The following DNAH11 variants were observed in gnomAD, a reference collection of about 807,000 sequenced individuals.
DNAH11 encodes the protein axonemal beta dynein heavy chain 11.
DNAH11 carries 442 observed loss-of-function variants against 526.0 expected under a neutral mutation model. The observed-to-expected ratio is 0.84, with a 90% CI of 0.78 to 0.91. The LOEUF (loss-of-function observed/expected upper bound fraction) is 0.91. Ranked by LOEUF, DNAH11 falls within the 40% of genes least tolerant of loss-of-function variation. The pLI, the probability that DNAH11 is intolerant of heterozygous loss-of-function variation, is 0.00. For missense variants in DNAH11, 6,989 were observed against 5,448.7 expected, an observed-to-expected ratio of 1.28 and a Z score of -8.90; for synonymous variants, 2,461 against 1,935.9, an observed-to-expected ratio of 1.27 and a Z score of -7.12.
At chr7:21,587,354 C>G (rs1784506740) in intron 9 of DNAH11, among the ~76,000 whole-genome samples, 1 of 152,110 alleles carries the variant, frequency 6.6e-6, no homozygotes, top group African/African-American at 2.4e-5. Context: ...TGTGTGTCTG[C>G]TTTCTCCTGT....
intron 39 of DNAH11, among the ~76,000 whole-genome samples, chr7:21,706,723 A>G (rs1784278402): frequency 6.6e-6 from 1 of 152,202 alleles, no homozygotes; most frequent in South Asian, 2.1e-4. Context: ...GATACCCGGA[A>G]CACTGCAGCT....
Position 21,556,492 on chromosome 7 carries a change from A to G in DNAH11, c.496-2310A>G, listed in dbSNP as rs552039537. ...AAAACAGTCTCCCAGTAGGTAATGC[A>G]TGTTCAGCCCAACAAATCTAAACTT... On this transcript the variant is annotated intron_variant, in intron 2 of 81. Coordinates refer to ENST00000409508, the MANE Select transcript of DNAH11 (RefSeq NM_001277115.2). 2.2e-4 allele frequency among the ~76,000 whole-genome samples: 34 copies of G among 152,324 alleles called. No individual in the cohort carries two copies. The South Asian group carries it at 6.8e-3, about 31-fold the overall frequency.
intron 9 of DNAH11, among the ~76,000 whole-genome samples, chr7:21,584,388 T>C (rs1465093376): frequency 6.6e-6 from 1 of 151,680 alleles, no homozygotes; most frequent in Non-Finnish European, 1.5e-5. Flanking sequence ...TGAGAACACA[T>C]GGACACAGAG....
At chr7:21,898,862 G>A (rs971685570) in intron 79 of DNAH11, among the ~76,000 whole-genome samples, 6 of 152,078 alleles carry the variant, frequency 3.9e-5, no homozygotes, top group Non-Finnish European at 8.8e-5. Flanking sequence ...CTGCCGTCAC[G>A]TGCTCCACTG....
chr7:21,800,720 C>T (rs911947614), intron 61 of DNAH11, among the ~76,000 whole-genome samples: 3 of 152,140 alleles, frequency 2.0e-5, no homozygotes, highest in Non-Finnish European at 4.4e-5. Context: ...AACTATGAAC[C>T]CAAAGAGAAA....
chr7:21,544,903 G>A, intron 1 of DNAH11, 103 bp from the exon 2 acceptor site: 1 of 978,636 alleles, frequency 1.0e-6, no homozygotes, highest in Non-Finnish European at 1.5e-6. Context: ...CAAGATGCCA[G>A]GTTTTGTTTC....
chr7:21,860,173 A>C (rs1240137948), intron 68 of DNAH11, among the ~76,000 whole-genome samples: 1 of 152,182 alleles, frequency 6.6e-6, no homozygotes, highest in Non-Finnish European at 1.5e-5. Context: ...AGTTTGTCTC[A>C]AACAAAAAAG....
At chr7:21,836,668 A>G (rs1043672314) in intron 65 of DNAH11, among the ~76,000 whole-genome samples, 1 of 152,162 alleles carries the variant, frequency 6.6e-6, no homozygotes, top group Non-Finnish European at 1.5e-5. Context: ...GGAATGCTTT[A>G]TAACATTGGT....
chr7:21,862,319 C>T (rs911342080), intron 69 of DNAH11, among the ~76,000 whole-genome samples: 4 of 152,048 alleles, frequency 2.6e-5, no homozygotes, highest in Middle Eastern at 3.4e-3. Context: ...CTCACCTTCT[C>T]GGGTCCTGTA....
At position 21,862,088 on chromosome 7, in the gene DNAH11, A is replaced by G. The variant is rs560697404; in HGVS notation, c.11373+65A>G. The G allele has an allele frequency of 1.1e-5, 15 of 1,395,050 alleles. No individual in the cohort carries two copies. The African/African-American group carries it at 1.3e-4, about 12-fold the overall frequency. The allele number at this position is 1,395,050 out of a possible 1,614,324, so 86.4% of individuals were successfully genotyped here. ...AAAGGCAGATGCCTCTGTTTATTATATATTTTATTTCTGCTGAAGCAAAAT... is the reference window on the plus strand; with the variant it reads ...AAAGGCAGATGCCTCTGTTTATTATGTATTTTATTTCTGCTGAAGCAAAAT... On this transcript the variant is annotated intron_variant, in intron 69 of 81. Transcript: ENST00000409508.
chr7:21,716,599 C>A (rs1164758073), intron 42 of DNAH11, among the ~76,000 whole-genome samples: 1 of 152,140 alleles, frequency 6.6e-6, no homozygotes, highest in South Asian at 2.1e-4. Flanking sequence ...GATCTAGATA[C>A]AAAGATTCCA....
intron 9 of DNAH11, among the ~76,000 whole-genome samples, chr7:21,584,000 C>T (rs913432935): frequency 6.6e-6 from 1 of 152,182 alleles, no homozygotes; most frequent in Non-Finnish European, 1.5e-5. Context: ...TTAGTTCAAC[C>T]ATTGTGGAAG....
chr7:21,807,375 T>C (rs1488441798), intron 62 of DNAH11, among the ~76,000 whole-genome samples: 2 of 152,200 alleles, frequency 1.3e-5, no homozygotes, highest in East Asian at 3.8e-4. Flanking sequence ...GGTGCATGCC[T>C]ATAGTCCCAG....
At chr7:21,573,137 C>A (rs1783958375) in intron 8 of DNAH11, among the ~76,000 whole-genome samples, 1 of 152,156 alleles carries the variant, frequency 6.6e-6, no homozygotes, top group South Asian at 2.1e-4. Context: ...GAGAATGTGG[C>A]CAGGTTTAAT....
intron 55 of DNAH11, among the ~76,000 whole-genome samples, chr7:21,770,532 C>T (rs552411575): frequency 6.6e-6 from 1 of 152,292 alleles, no homozygotes; most frequent in African/African-American, 2.4e-5. Flanking sequence ...TGCTTACCAC[C>T]TCTCATCACC....
At position 21,591,624 on chromosome 7, in the gene DNAH11, T is replaced by A. The variant is rs754921406; in HGVS notation, c.2667+47T>A. ...AGATTTATAGATCTTTTCATTGAGT[T>A]CAGAGAAGAGCAAAAATCTTTAACC... On this transcript the variant is annotated intron_variant, in intron 14 of 81. Transcript: ENST00000409508. The A allele has an allele frequency of 1.0e-5, 15 of 1,461,412 alleles. No individual in the cohort carries two copies. The East Asian group carries it at 3.5e-4, about 34-fold the overall frequency. The allele number at this position is 1,461,412 out of a possible 1,614,324, so 90.5% of individuals were successfully genotyped here. A position where few individuals can be genotyped will look rare whatever the true frequency, so the allele number is the denominator to read the frequency against.
intron 6 of DNAH11, among the ~76,000 whole-genome samples, chr7:21,568,567 C>T (rs1352178506): frequency 6.6e-6 from 1 of 152,126 alleles, no homozygotes; most frequent in East Asian, 1.9e-4. Flanking sequence ...TGAGTGTTTT[C>T]ATTTAGGACA....
In DNAH11 at chr7:21,606,600, T is replaced by C. The variant is rs552667802; in HGVS notation, c.3766-47T>C. ...AGGTTTTACTAGGATAATTGAAGTA[T>C]TTGTTTGAAATTCACTTTTTTTTTT... On this transcript the variant is annotated intron_variant, in intron 19 of 81. Coordinates refer to ENST00000409508, the MANE Select transcript of DNAH11 (RefSeq NM_001277115.2). 2.0e-4 allele frequency: 314 copies of C among 1,561,146 alleles called. 6 individuals are homozygous for C. In the South Asian group the frequency reaches 3.7e-3, roughly 18 times the overall value.
chr7:21,655,157 T>A (rs1781961884), intron 28 of DNAH11, among the ~76,000 whole-genome samples: 1 of 151,538 alleles, frequency 6.6e-6, no homozygotes, highest in South Asian at 2.1e-4. Context: ...ACTTAGGATG[T>A]AAGAGGTTAT....
Sources: allele counts gnomAD v4.1 joint callset (sites outside exome capture counted in the v4.1 genomes callset), GRCh38; gene constraint gnomAD v4.1.1; transcripts MANE v1.5; gene names NCBI Gene and HGNC (gene_info 2026-07-23, HGNC 2026-07-21).